The following POU2AF1 variants were observed in gnomAD, a reference collection of about 807,000 sequenced individuals.
POU2AF1 encodes POU class 2 homeobox associating factor 1, also known as POU domain class 2-associating factor 1.
Under a neutral mutation model 26.3 loss-of-function variants are expected in POU2AF1, and 12 were observed. The observed-to-expected ratio is 0.46, with a 90% confidence interval of 0.29 to 0.74. The LOEUF (loss-of-function observed/expected upper bound fraction) is 0.74, where lower values mean the gene tolerates loss of function less well. Ranked by LOEUF, POU2AF1 falls within the 30% of genes least tolerant of loss-of-function variation. The pLI, the probability that POU2AF1 is intolerant of heterozygous loss-of-function variation, is 0.09. For synonymous variants in POU2AF1, 175 were observed against 148.0 expected (o/e 1.18, Z -1.32); for missense variants, 297 against 334.5 (o/e 0.89, Z 0.87).
At chr11:111,359,017 G>A (rs1481411293) in intron 1 of POU2AF1, 99 bp from the exon 2 acceptor site, 6 of 1,500,300 alleles carry the variant, frequency 4.0e-6, no homozygotes, top group Admixed American at 2.2e-5. Flanking sequence ...CCCCTAAGTC[G>A]TGCTTGAACA....
chr11:111,354,578 G>A lies in POU2AF1; in HGVS notation c.457-3C>T. 1.3e-6 allele frequency: 2 copies of A among 1,515,610 alleles called. No homozygotes were observed. Among genetic ancestry groups the A allele is most frequent in the South Asian group, 1.4e-5 (1 of 73,380 alleles). 93.9% of individuals were successfully genotyped at this position (1,515,610 alleles called of 1,614,324 possible). Reference sequence around the variant, plus strand: ...GCGGGCGTGGCGGAGCTTCTTGTCTGTGACAGGAAAACACGTGACAGAGGG... The same window carrying A: ...GCGGGCGTGGCGGAGCTTCTTGTCTATGACAGGAAAACACGTGACAGAGGG... On this transcript the variant is annotated splice_region_variant and splice_polypyrimidine_tract_variant and intron_variant, in intron 4 of 4. Transcript: ENST00000393067.
At chr11:111,360,629 G>C (rs577292810) in intron 1 of POU2AF1, among the ~76,000 whole-genome samples, 1 of 152,304 alleles carries the variant, frequency 6.6e-6, no homozygotes, top group East Asian at 1.9e-4. Context: ...TACAGGTACA[G>C]GTCCTGCTCC....
At chr11:111,372,039 C>A (rs1861219648) in intron 1 of POU2AF1, among the ~76,000 whole-genome samples, 1 of 121,844 alleles carries the variant, frequency 8.2e-6, no homozygotes, top group African/African-American at 3.4e-5. Context: ...TACACACACA[C>A]ACACACACAC....
chr11:111,365,191 A>G (rs1197594691), intron 1 of POU2AF1, among the ~76,000 whole-genome samples: 1 of 152,198 alleles, frequency 6.6e-6, no homozygotes, highest in Non-Finnish European at 1.5e-5. Context: ...AGCCCTAACA[A>G]TGGATTCATG....
intron 1 of POU2AF1, among the ~76,000 whole-genome samples, chr11:111,377,082 T>C (rs963022914): frequency 6.6e-6 from 1 of 151,944 alleles, no homozygotes; most frequent in African/African-American, 2.4e-5. Context: ...CCCTCCAGCA[T>C]CCCCTTTAAA....
At chr11:111,374,514 T>G (rs1036403650) in intron 1 of POU2AF1, among the ~76,000 whole-genome samples, 1 of 152,176 alleles carries the variant, frequency 6.6e-6, no homozygotes, top group East Asian at 1.9e-4. Context: ...CTGGCCAACA[T>G]AGTGAAACTC....
At chr11:111,363,218 G>A (rs902479391) in intron 1 of POU2AF1, 5 of 1,017,398 alleles carry the variant, frequency 4.9e-6, no homozygotes, top group South Asian at 4.6e-5. Flanking sequence ...CAGCTCCCAC[G>A]GGTCTCCTGA....
intron 1 of POU2AF1, among the ~76,000 whole-genome samples, chr11:111,369,992 T>C (rs888157135): frequency 1.3e-5 from 2 of 152,202 alleles, no homozygotes; most frequent in South Asian, 2.1e-4. Context: ...AAAACTTAAC[T>C]TTTCCTGAGA....
At position 111,357,583 on chromosome 11, in the gene POU2AF1, G is replaced by T. The variant is rs139129319; in HGVS notation, c.318C>A (p.Thr106=). Residue 106 remains threonine (T), a synonymous_variant, in exon 4 of 5, where the codon ACC becomes ACA. Coordinates refer to ENST00000393067, the MANE Select transcript of POU2AF1 (RefSeq NM_006235.3). ...TGACAGCTTCATGGGGCACATACTC[G>T]GTGTAAGGTGTCCATGGGGCCAGGG... ...LQPLAPWTPY[T]EYVPHEAVSC... is the part of the protein sequence containing the mutation. The T allele has an allele frequency of 4.3e-6, 7 of 1,614,032 alleles. No individual in the cohort carries two copies. The highest frequency in any genetic ancestry group is 5.1e-6 in the Non-Finnish European group (6 of 1,179,948).
intron 1 of POU2AF1, among the ~76,000 whole-genome samples, 156 bp downstream of exon 1, chr11:111,379,006 A>T (rs547965326): frequency 1.6e-5 from 1 of 62,038 alleles, no homozygotes; most frequent in Non-Finnish European, 3.2e-5. Flanking sequence ...CATCCCGCCC[A>T]CCTCCCCCCT....
chr11:111,358,856 G>T lies in POU2AF1; in HGVS notation c.79C>A (p.Pro27Thr). 6.2e-7 allele frequency: 1 copy of T among 1,609,112 alleles called. No homozygotes were observed. ...RPYQGVRVKE[P>T]VKELLRRKRG... ...TTCCTCCTCAGCAGTTCCTTCACTG[G>T]CTCCTTCACACGGACGCCCTGGTAT... The change falls in exon 2 of 5, where the codon CCA (proline) becomes ACA (threonine). Residue 27 changes from proline (P) to threonine (T), a missense_variant. Physicochemically the swap from Pro to Thr is conservative, Grantham distance 38. Coordinates refer to ENST00000393067, the MANE Select transcript of POU2AF1 (RefSeq NM_006235.3).
At position 111,358,364 on chromosome 11, in the gene POU2AF1, A is replaced by G. The variant is rs1417751854; in HGVS notation, c.147+424T>C. ...CACACTCTCACACTCACACTCTCAC[A>G]CACTCACACACTCTCTCACACACAC... On this transcript the variant is annotated intron_variant, in intron 2 of 4. Transcript: ENST00000393067. Among the ~76,000 whole-genome samples the G allele has an allele frequency of 5.6e-5, 6 of 107,288 alleles. No homozygotes were observed. The East Asian group carries it at 1.3e-3, about 23-fold the overall frequency. The allele number at this position is 107,288 out of a possible 152,430, so 70.4% of individuals were successfully genotyped here.
intron 1 of POU2AF1, among the ~76,000 whole-genome samples, chr11:111,359,763 G>C (rs11213854): frequency 0.02 from 3,069 of 152,300 alleles, 107 homozygotes; most frequent in African/African-American, 0.07. Flanking sequence ...ACGTCTCAAG[G>C]TGAGTTATTG....
intron 1 of POU2AF1, among the ~76,000 whole-genome samples, chr11:111,378,141 A>G (rs1441073665): frequency 1.3e-5 from 2 of 152,238 alleles, no homozygotes; most frequent in Admixed American, 1.3e-4. Flanking sequence ...ATATTTTCCG[A>G]ACTTTAGTGG....
At chr11:111,358,176 C>G (rs1341532167) in intron 2 of POU2AF1, among the ~76,000 whole-genome samples, 2 of 152,084 alleles carry the variant, frequency 1.3e-5, no homozygotes, top group African/African-American at 4.8e-5. Context: ...TCCCTCATCC[C>G]AGTTGCTCCA....
At position 111,353,648 on chromosome 11, in the gene POU2AF1, G is replaced by T. The variant is rs896902112; in HGVS notation, c.*613C>A. The stretch of plus-strand genomic sequence containing the variant: ...CTGACTTTCTCAGGAGGTGCTGTCG[G>T]GGCTGGTCTTCCCGCCGGCCACCAC... On this transcript the variant is annotated 3_prime_UTR_variant, in exon 5 of 5. Transcript: ENST00000393067. The T allele has an allele frequency of 4.3e-6, 1 of 234,188 alleles. No homozygotes were observed. The highest frequency in any genetic ancestry group is 2.2e-5 in the African/African-American group (1 of 45,340). 14.5% of individuals were successfully genotyped at this position (234,188 alleles called of 1,614,324 possible). A position where few individuals can be genotyped will look rare whatever the true frequency, so the allele number is the denominator to read the frequency against.
chr11:111,353,445 C>A lies in POU2AF1; in HGVS notation c.*816G>T, dbSNP rs1860775331. ...TCTCTTCGTCACTGGCCTGTCCCCA[C>A]CCACCCTGATGTTCTTTTCTCCCTG... On this transcript the variant is annotated 3_prime_UTR_variant, in exon 5 of 5. Transcript: ENST00000393067. The A allele has an allele frequency of 1.3e-5, 3 of 233,732 alleles. No homozygotes were observed. The highest frequency in any genetic ancestry group is 5.6e-5 in the Admixed American group (1 of 17,764). The allele number at this position is 233,732 out of a possible 1,614,324, so 14.5% of individuals were successfully genotyped here. A position where few individuals can be genotyped will look rare whatever the true frequency, so the allele number is the denominator to read the frequency against.
chr11:111,364,095 A>C, intron 1 of POU2AF1: 1 of 719,124 alleles, frequency 1.4e-6, no homozygotes. Context: ...GAGCAATGAA[A>C]CAAAATCTGT....
intron 1 of POU2AF1, chr11:111,363,850 G>A: frequency 1.0e-6 from 1 of 985,382 alleles, no homozygotes; most frequent in Non-Finnish European, 1.2e-6. Flanking sequence ...CCTGTGGTCT[G>A]AGGGCCTTTT....
Sources: gnomAD v4.1 joint callset for allele counts (sites outside exome capture counted in the v4.1 genomes callset) on GRCh38, gnomAD v4.1.1 for gene constraint, MANE v1.5 for transcripts, NCBI Gene and HGNC (gene_info 2026-07-23, HGNC 2026-07-21) for gene names.